Variants in FAM162A observed in about 807,000 individuals in gnomAD.
The protein encoded by FAM162A is protein FAM162A.
In FAM162A, 23 loss-of-function variants were observed where a neutral mutation model predicts 21.8. That is an observed-to-expected ratio of 1.05 (90% CI 0.76 to 1.49). FAM162A has a LOEUF of 1.49. Ranked by LOEUF, FAM162A falls within the 40% of genes most tolerant of loss-of-function variation. FAM162A has a pLI of 0.00. For missense variants in FAM162A, 165 were observed against 186.4 expected, an observed-to-expected ratio of 0.89 and a Z score of 0.67; for synonymous variants, 53 against 61.3, an observed-to-expected ratio of 0.86 and a Z score of 0.64.
chr3:122,386,999 C>T (rs2075577368), intron 1 of FAM162A, among the ~76,000 whole-genome samples: 1 of 152,194 alleles, frequency 6.6e-6, no homozygotes, highest in South Asian at 2.1e-4. Context: ...CATTTACCCA[C>T]ACTACGCTGG....
Position 122,403,531 on chromosome 3 carries a change from T to C in FAM162A, c.157+649T>C, listed in dbSNP as rs542153868. On this transcript the variant is annotated intron_variant, in intron 2 of 4. Transcript: ENST00000477892. Reference sequence around the variant, plus strand: ...CACTGGCTCTCCCTTTGCACTGATTTTTATCTCTATTCCCGACTTATTAAT... The same window carrying C: ...CACTGGCTCTCCCTTTGCACTGATTCTTATCTCTATTCCCGACTTATTAAT... Among the ~76,000 whole-genome samples, 49 of 152,326 alleles carry C rather than the reference T, an allele frequency of 3.2e-4. 1 individual carries two copies. Among genetic ancestry groups the C allele is most frequent in the Admixed American group, 2.8e-3 (43 of 15,312 alleles).
intron 1 of FAM162A, among the ~76,000 whole-genome samples, chr3:122,394,746 C>T (rs1559999883): frequency 6.6e-6 from 1 of 152,042 alleles, no homozygotes. Flanking sequence ...CAAATTCTTC[C>T]AAAATACAAA....
At chr3:122,395,905 A>G (rs1040079494) in intron 1 of FAM162A, among the ~76,000 whole-genome samples, 2 of 152,192 alleles carry the variant, frequency 1.3e-5, no homozygotes, top group Non-Finnish European at 2.9e-5. Context: ...TTTACAGTCA[A>G]TTGATTTTCT....
At chr3:122,393,425 T>C (rs1273211283) in intron 1 of FAM162A, among the ~76,000 whole-genome samples, 1 of 152,116 alleles carries the variant, frequency 6.6e-6, no homozygotes, top group Non-Finnish European at 1.5e-5. Flanking sequence ...ATTCCTGTCT[T>C]CTTTCAGCTT....
At chr3:122,392,059 T>TA (rs1172330257) in intron 1 of FAM162A, among the ~76,000 whole-genome samples, 4 of 152,248 alleles carry the variant, frequency 2.6e-5, no homozygotes, top group Non-Finnish European at 5.9e-5. Context: ...TTGAATGAAT[T>TA]ACTCCAACAT....
chr3:122,409,007 T>TC (rs1029979654), intron 4 of FAM162A, among the ~76,000 whole-genome samples: 9 of 151,654 alleles, frequency 5.9e-5, no homozygotes, highest in South Asian at 2.1e-4. Context: ...CTTCCCTTTC[T>TC]CCCCCCGCTC....
At chr3:122,388,180 A>T (rs1231845076) in intron 1 of FAM162A, among the ~76,000 whole-genome samples, 1 of 152,234 alleles carries the variant, frequency 6.6e-6, no homozygotes, top group African/African-American at 2.4e-5. Flanking sequence ...GAAATAACGA[A>T]TATATTTAGG....
intron 1 of FAM162A, among the ~76,000 whole-genome samples, chr3:122,385,637 T>C (rs780934574): frequency 2.0e-5 from 3 of 152,246 alleles, no homozygotes; most frequent in Admixed American, 6.5e-5. Context: ...CATAAATATA[T>C]TTTTGCATCT....
chr3:122,386,770 A>C (rs1191390313), intron 1 of FAM162A, among the ~76,000 whole-genome samples: 2 of 152,004 alleles, frequency 1.3e-5, no homozygotes, highest in African/African-American at 4.8e-5. Context: ...TATGAGCTCG[A>C]ATTTGTTGTT....
chr3:122,385,382 A>G (rs2075570374), intron 1 of FAM162A, among the ~76,000 whole-genome samples: 3 of 152,182 alleles, frequency 2.0e-5, no homozygotes. Flanking sequence ...CCTCAATACT[A>G]TGATTTCATT....
rs767393992 is a variant in FAM162A at position 122,384,240 on chromosome 3, G to A, written c.-26G>A. The A allele has an allele frequency of 1.9e-6, 3 of 1,564,508 alleles. No homozygotes were observed. Among genetic ancestry groups the A allele is most frequent in the East Asian group, 4.7e-5 (2 of 42,118 alleles). On this transcript the variant is annotated 5_prime_UTR_variant, in exon 1 of 5. Transcript: ENST00000477892. Reference sequence around the variant, plus strand: ...GCCACCGTCCCCGGCGAAGTTCTGCGCTGGTCGGCGGAGTAGCAAGTGGCC... The same window carrying A: ...GCCACCGTCCCCGGCGAAGTTCTGCACTGGTCGGCGGAGTAGCAAGTGGCC...
chr3:122,388,296 A>G (rs2075583677), intron 1 of FAM162A, among the ~76,000 whole-genome samples: 1 of 152,216 alleles, frequency 6.6e-6, no homozygotes, highest in South Asian at 2.1e-4. Flanking sequence ...ATTGTCAGAA[A>G]TAAGAAAGTT....
intron 3 of FAM162A, 128 bp downstream of exon 3, chr3:122,404,491 A>G (rs913015759): frequency 2.0e-6 from 1 of 497,722 alleles, no homozygotes; most frequent in Non-Finnish European, 3.6e-6. Flanking sequence ...ACTTTTCCAA[A>G]TGTTTTATCT....
At chr3:122,406,821 C>T (rs986317111) in intron 3 of FAM162A, among the ~76,000 whole-genome samples, 3 of 152,170 alleles carry the variant, frequency 2.0e-5, no homozygotes, top group African/African-American at 7.2e-5. Context: ...ACATATGAAG[C>T]TTATTGTAGT....
chr3:122,385,774 A>G (rs2075571983), intron 1 of FAM162A, among the ~76,000 whole-genome samples: 1 of 152,252 alleles, frequency 6.6e-6, no homozygotes, highest in African/African-American at 2.4e-5. Flanking sequence ...TAAGGATGTT[A>G]TATGAGCAGC....
intron 1 of FAM162A, among the ~76,000 whole-genome samples, chr3:122,385,601 C>T (rs1450368578): frequency 6.6e-6 from 1 of 152,162 alleles, no homozygotes; most frequent in Non-Finnish European, 1.5e-5. Flanking sequence ...CATCTTCTTG[C>T]TTTGAGAATA....
chr3:122,390,302 A>G (rs2075596508), intron 1 of FAM162A, among the ~76,000 whole-genome samples: 1 of 152,190 alleles, frequency 6.6e-6, no homozygotes. Flanking sequence ...CCTGCAGGGA[A>G]GGATGAGAAA....
intron 1 of FAM162A, among the ~76,000 whole-genome samples, chr3:122,386,324 G>A (rs2075574318): frequency 6.6e-6 from 1 of 152,120 alleles, no homozygotes; most frequent in South Asian, 2.1e-4. Context: ...TGATACTGGA[G>A]GATTGCTTGA....
chr3:122,385,386 T>G (rs1559997781), intron 1 of FAM162A, among the ~76,000 whole-genome samples: 1 of 152,212 alleles, frequency 6.6e-6, no homozygotes, highest in Non-Finnish European at 1.5e-5. Flanking sequence ...AATACTATGA[T>G]TTCATTGATT....
Sources: gnomAD v4.1 joint callset for allele counts (sites outside exome capture counted in the v4.1 genomes callset) on GRCh38, gnomAD v4.1.1 for gene constraint, MANE v1.5 for transcripts, NCBI Gene and HGNC (gene_info 2026-07-23, HGNC 2026-07-21) for gene names.